Variants in SATL1 observed in about 807,000 individuals in gnomAD.
SATL1 encodes spermidine/spermine N(1)-acetyltransferase-like protein 1.
In SATL1, 47 loss-of-function variants were observed where a neutral mutation model predicts 51.8. The observed-to-expected ratio is 0.91, with a 90% confidence interval of 0.72 to 1.16. The LOEUF (loss-of-function observed/expected upper bound fraction) is 1.16, where lower values mean the gene tolerates loss of function less well. Among genes scored for constraint, SATL1 ranks in the 50% most tolerant of loss-of-function variants. SATL1 has a pLI of 0.00. For synonymous variants in SATL1, 176 were observed against 182.4 expected (o/e 0.97, Z 0.28); for missense variants, 520 against 526.4 (o/e 0.99, Z 0.12).
intron 2 of SATL1, among the ~76,000 whole-genome samples, chrX:85,191,806 G>A (rs112270262): frequency 0.01 from 1,123 of 111,562 alleles, 16 homozygotes; most frequent in African/African-American, 0.035. Context: ...AAAAAGGTTG[G>A]TCTTGCTGTC....
intron 2 of SATL1, among the ~76,000 whole-genome samples, chrX:85,112,123 C>T (rs1276243079): frequency 1.8e-5 from 2 of 111,038 alleles, no homozygotes; most frequent in African/African-American, 6.6e-5. Flanking sequence ...GGCTGAAGTG[C>T]GTGGATCAGT....
intron 2 of SATL1, among the ~76,000 whole-genome samples, chrX:85,212,379 TTAAG>T (rs1927946571): frequency 1.8e-5 from 2 of 111,651 alleles, no homozygotes; most frequent in African/African-American, 3.3e-5. Context: ...CTTCATTTAT[TTAAG>T]TATCATAGTA....
intron 2 of SATL1, among the ~76,000 whole-genome samples, chrX:85,157,014 C>A (rs1039055559): frequency 5.6e-4 from 60 of 106,840 alleles, no homozygotes; most frequent in African/African-American, 2.0e-3. Context: ...TCATATTAGG[C>A]CACAAGTATC....
rs562716203 is a variant in SATL1 at position 85,173,847 on chromosome X, T to C, written c.-313+50358A>G. On this transcript the variant is annotated intron_variant, in intron 2 of 7. Coordinates refer to ENST00000644105, the MANE Select transcript of SATL1 (RefSeq NM_001367857.2). The stretch of plus-strand genomic sequence containing the variant: ...TGCAGGTTTGTTACATATGTATACA[T>C]GTGCCATGTTGGTTTGCTCCACCCA... Among the ~76,000 whole-genome samples the C allele has an allele frequency of 4.2e-4, 46 of 109,365 alleles. 1 individual carries two copies. The South Asian group carries it at 0.019, about 45-fold the overall frequency. 95.0% of individuals were successfully genotyped at this position (109,365 alleles called of 115,157 possible).
At chrX:85,115,465 C>A (rs1347651419) in intron 2 of SATL1, among the ~76,000 whole-genome samples, 1 of 112,348 alleles carries the variant, frequency 8.9e-6, no homozygotes, top group African/African-American at 3.2e-5. Flanking sequence ...TGCCAGAAGA[C>A]AGGAGAAGGG....
chrX:85,138,232 A>G (rs1428967836), intron 2 of SATL1, among the ~76,000 whole-genome samples: 1 of 111,993 alleles, frequency 8.9e-6, no homozygotes, highest in African/African-American at 3.2e-5. Context: ...GTATCAGATA[A>G]AAGGAGTGTG....
At chrX:85,094,523 C>T (rs112272282) in intron 5 of SATL1, among the ~76,000 whole-genome samples, 5 of 111,144 alleles carry the variant, frequency 4.5e-5, no homozygotes, top group African/African-American at 6.5e-5. Flanking sequence ...GCGGGAGGGT[C>T]GCTTGAGCTC....
chrX:85,103,987 T>C, intron 3 of SATL1, 72 bp from the exon 4 acceptor site: 1 of 812,747 alleles, frequency 1.2e-6, no homozygotes, highest in South Asian at 2.2e-5. Context: ...ATCATAAAAT[T>C]TGTATTAAAC....
At chrX:85,140,607 T>C (rs1276928071) in intron 2 of SATL1, among the ~76,000 whole-genome samples, 3 of 112,344 alleles carry the variant, frequency 2.7e-5, no homozygotes, top group South Asian at 3.6e-4. Context: ...ATCTATTATA[T>C]CTGATTATAC....
chrX:85,119,883 A>G (rs1251683755), intron 2 of SATL1, among the ~76,000 whole-genome samples: 1 of 111,868 alleles, frequency 8.9e-6, no homozygotes, highest in Non-Finnish European at 1.9e-5. Context: ...TTTAATAACC[A>G]AGAATAAAAT....
chrX:85,101,269 A>C (rs1465240677), intron 4 of SATL1, among the ~76,000 whole-genome samples: 1 of 112,424 alleles, frequency 8.9e-6, no homozygotes, highest in Admixed American at 9.4e-5. Flanking sequence ...ATGGAATGGG[A>C]GAAAGTATTT....
intron 2 of SATL1, among the ~76,000 whole-genome samples, chrX:85,203,227 G>A (rs1355294033): frequency 9.0e-6 from 1 of 111,446 alleles, no homozygotes; most frequent in Non-Finnish European, 1.9e-5. Context: ...ACCTGTTGCT[G>A]GACCAAAGGC....
Position 85,107,808 on chromosome X carries a change from T to C in SATL1, c.1161A>G (p.Arg387=), listed in dbSNP as rs1230741126. Residue 387 remains arginine (R), a synonymous_variant, in exon 3 of 8, where the codon AGA becomes AGG. Coordinates refer to ENST00000644105, the MANE Select transcript of SATL1 (RefSeq NM_001367857.2). Reference sequence around the variant, plus strand: ...TGCTTGGTTGGCTCCCACCTGACTGTCTCATGTCTAGTTGCCACATCACTG... The same window carrying C: ...TGCTTGGTTGGCTCCCACCTGACTGCCTCATGTCTAGTTGCCACATCACTG... ...SQPVMWQLDM[R]QSGGSQPSMR... is the part of the protein sequence containing the mutation. 9 of 1,209,736 alleles carry C rather than the reference T, an allele frequency of 7.4e-6. No individual in the cohort carries two copies. The Admixed American group carries it at 2.0e-4, about 26-fold the overall frequency.
intron 2 of SATL1, among the ~76,000 whole-genome samples, chrX:85,187,400 G>T (rs1186041399): frequency 1.8e-5 from 2 of 111,318 alleles, no homozygotes; most frequent in African/African-American, 6.5e-5. Context: ...TCCTTACCTT[G>T]TTCTAGTTCT....
chrX:85,219,067 AG>A (rs1928117176), intron 2 of SATL1: 1 of 112,004 alleles, frequency 8.9e-6, no homozygotes, highest in South Asian at 3.7e-4. Flanking sequence ...CTACACCAGG[AG>A]TTCCAAAATC....
At chrX:85,125,569 G>A (rs1206564068) in intron 2 of SATL1, among the ~76,000 whole-genome samples, 1 of 106,343 alleles carries the variant, frequency 9.4e-6, no homozygotes, top group East Asian at 3.0e-4. Flanking sequence ...AAGAATGATA[G>A]AATTGTCCAT....
At chrX:85,124,188 C>T (rs1256105069) in intron 2 of SATL1, among the ~76,000 whole-genome samples, 1 of 111,161 alleles carries the variant, frequency 9.0e-6, no homozygotes, top group African/African-American at 3.3e-5. Context: ...TGAATATTTG[C>T]TTCATTCCTT....
At chrX:85,242,385 G>A (rs757290132) in intron 1 of SATL1, among the ~76,000 whole-genome samples, 1 of 112,339 alleles carries the variant, frequency 8.9e-6, no homozygotes, top group South Asian at 3.7e-4. Flanking sequence ...ACAGAGGTGG[G>A]CAAACTATGG....
intron 2 of SATL1, among the ~76,000 whole-genome samples, chrX:85,142,286 C>T (rs773435455): frequency 1.9e-5 from 2 of 105,112 alleles, no homozygotes; most frequent in African/African-American, 7.0e-5. Context: ...GTCCCAGCTA[C>T]TCAGGAGGCT....
Sources: gnomAD v4.1 joint callset for allele counts (sites outside exome capture counted in the v4.1 genomes callset) on GRCh38, gnomAD v4.1.1 for gene constraint, MANE v1.5 for transcripts, NCBI Gene and HGNC (gene_info 2026-07-23, HGNC 2026-07-21) for gene names.